Variants in IQSEC1 observed in about 807,000 individuals in gnomAD.
IQSEC1 encodes the protein IQ motif and Sec7 domain ArfGEF 1.
Under a neutral mutation model 91.0 loss-of-function variants are expected in IQSEC1, and 31 were observed. The observed-to-expected ratio is 0.34, with a 90% confidence interval of 0.26 to 0.46. The LOEUF (loss-of-function observed/expected upper bound fraction) is 0.46, where lower values mean the gene tolerates loss of function less well. Ranked by LOEUF, IQSEC1 falls within the 20% of genes least tolerant of loss-of-function variation. IQSEC1 has a pLI of 1.00. For missense variants in IQSEC1, 1,388 were observed against 1,575.6 expected (o/e 0.88, Z 2.02); for synonymous variants, 699 against 662.6 (o/e 1.05, Z -0.84).
rs577796815 is a variant in IQSEC1, at chr3:13,011,549, G to T, written c.23+61443C>A. Among the ~76,000 whole-genome samples the T allele has an allele frequency of 3.9e-5, 6 of 152,320 alleles. No individual in the cohort carries two copies. The South Asian group carries it at 1.2e-3, about 32-fold the overall frequency. ...GAGCTGACCCTATATTCTAGCCCTT[G>T]TTATCCTCCCTGGCCTTTCTCAACT... On this transcript the variant is annotated intron_variant, in intron 1 of 13. Transcript: ENST00000613206.
chr3:12,939,592 G>A (rs921181138), intron 2 of IQSEC1, among the ~76,000 whole-genome samples: 1 of 152,184 alleles, frequency 6.6e-6, no homozygotes, highest in Non-Finnish European at 1.5e-5. Flanking sequence ...GAGCTTTCCA[G>A]GAAGCTCAGT....
At chr3:13,221,285 C>G (rs1694654803) in intron 1 of IQSEC1, among the ~76,000 whole-genome samples, 1 of 152,176 alleles carries the variant, frequency 6.6e-6, no homozygotes, top group South Asian at 2.1e-4. Context: ...GCTCTGGGGG[C>G]AGCTGCCTGA....
At chr3:13,091,673 C>G (rs563674156) in intron 2 of IQSEC1, among the ~76,000 whole-genome samples, 1 of 152,342 alleles carries the variant, frequency 6.6e-6, no homozygotes, top group Admixed American at 6.5e-5. Flanking sequence ...GCCTTGCCCC[C>G]GCTGACCTGT....
intron 1 of IQSEC1, among the ~76,000 whole-genome samples, chr3:13,224,405 T>C (rs1000866665): frequency 6.6e-6 from 1 of 152,122 alleles, no homozygotes; most frequent in Admixed American, 6.5e-5. Context: ...CTCCTAGTTC[T>C]GGGCCCTGGG....
Position 12,899,366 on chromosome 3 carries a change from G to A in IQSEC1, c.*1617C>T, listed in dbSNP as rs969629320. On this transcript the variant is annotated 3_prime_UTR_variant, in exon 14 of 14. Coordinates refer to ENST00000613206, the MANE Select transcript of IQSEC1 (RefSeq NM_001134382.3). ...GGGCCTCCGCCTGGGCAGGCGCCGGGGGGCAGTCCTCGGGTCCCATGGCTT... is the reference window on the plus strand; with the variant it reads ...GGGCCTCCGCCTGGGCAGGCGCCGGAGGGCAGTCCTCGGGTCCCATGGCTT... The A allele has an allele frequency of 1.9e-6, 3 of 1,612,042 alleles. No individual in the cohort carries two copies. Among genetic ancestry groups the A allele is most frequent in the African/African-American group, 2.7e-5 (2 of 74,944 alleles).
At position 13,222,031 on chromosome 3, in the gene IQSEC1, T is replaced by A. The variant is rs372521082; in HGVS notation, c.273-57898A>T. ...CTTTCCTTTTCATTATGGTAAAGGA[T>A]ACATAACACACATTTACCACCTCAT... On this transcript the variant is annotated intron_variant, in intron 1 of 15. Coordinates refer to the IQSEC1 transcript ENST00000648114. Among the ~76,000 whole-genome samples, 37 of 152,288 alleles carry A rather than the reference T, an allele frequency of 2.4e-4. 1 individual carries two copies. In the East Asian group the frequency reaches 6.2e-3, roughly 25 times the overall value.
chr3:13,276,181 C>T (rs1005688670), intron 1 of IQSEC1, among the ~76,000 whole-genome samples: 1 of 146,868 alleles, frequency 6.8e-6, no homozygotes, highest in Admixed American at 7.1e-5. Flanking sequence ...CTCTGCCTCC[C>T]AGGTTCACAC....
intron 1 of IQSEC1, among the ~76,000 whole-genome samples, chr3:13,038,262 G>GTGTATATA (rs1491471643): frequency 5.6e-4 from 57 of 101,214 alleles, no homozygotes; most frequent in East Asian, 1.1e-3. Context: ...GTGTGTGTGT[G>GTGTATATA]TATATATATA....
chr3:13,270,279 A>G (rs940306531), intron 1 of IQSEC1, among the ~76,000 whole-genome samples: 2 of 152,272 alleles, frequency 1.3e-5, no homozygotes, highest in East Asian at 3.8e-4. Context: ...AATTTGTTAC[A>G]GGCCAACAAA....
At chr3:12,949,450 T>G (rs1320128633) in intron 1 of IQSEC1, among the ~76,000 whole-genome samples, 2 of 152,238 alleles carry the variant, frequency 1.3e-5, no homozygotes, top group Non-Finnish European at 2.9e-5. Context: ...CTCCTGGCAG[T>G]CTGCACAGGC....
At chr3:13,275,927 G>C (rs73016840) in intron 1 of IQSEC1, among the ~76,000 whole-genome samples, 20,000 of 152,240 alleles carry the variant, frequency 0.13, 1,377 homozygotes, top group East Asian at 0.17. Flanking sequence ...GAACTCCAAG[G>C]ACGGAGGGGC....
intron 2 of IQSEC1, among the ~76,000 whole-genome samples, chr3:13,117,992 G>A (rs1706363330): frequency 6.6e-6 from 1 of 152,196 alleles, no homozygotes; most frequent in Non-Finnish European, 1.5e-5. Flanking sequence ...TGCACTGCTG[G>A]TGGGAGTGTA....
intron 1 of IQSEC1, among the ~76,000 whole-genome samples, chr3:13,018,643 A>G (rs555582887): frequency 3.7e-4 from 57 of 152,082 alleles, no homozygotes; most frequent in Non-Finnish European, 7.5e-4. Flanking sequence ...GCCAGGGAAG[A>G]CGCAGGGAGG....
At chr3:13,228,669 C>T (rs1576302607) in intron 1 of IQSEC1, among the ~76,000 whole-genome samples, 4 of 152,350 alleles carry the variant, frequency 2.6e-5, no homozygotes, top group South Asian at 2.1e-4. Context: ...TCTGGCCCTG[C>T]TCACTTCCCC....
chr3:13,251,322 T>C (rs1695190702), intron 1 of IQSEC1, among the ~76,000 whole-genome samples: 1 of 152,206 alleles, frequency 6.6e-6, no homozygotes, highest in Non-Finnish European at 1.5e-5. Flanking sequence ...TTTACCACCA[T>C]TATTGTCTGG....
At chr3:13,180,797 C>T (rs1321973827) in intron 1 of IQSEC1, among the ~76,000 whole-genome samples, 1 of 151,564 alleles carries the variant, frequency 6.6e-6, no homozygotes, top group Non-Finnish European at 1.5e-5. Flanking sequence ...TCTGAAGCTT[C>T]ACTCCTGAGC....
intron 1 of IQSEC1, among the ~76,000 whole-genome samples, chr3:12,988,599 T>C (rs1701849282): frequency 6.6e-6 from 1 of 152,128 alleles, no homozygotes; most frequent in South Asian, 2.1e-4. Context: ...TAAAAAGCTG[T>C]TCCATAGGTG....
chr3:13,243,617 G>C (rs886679337), intron 1 of IQSEC1, among the ~76,000 whole-genome samples: 3 of 152,194 alleles, frequency 2.0e-5, no homozygotes, highest in Non-Finnish European at 4.4e-5. Flanking sequence ...TGGGCCAGGA[G>C]ACAGCCTCAT....
At chr3:13,268,200 G>A (rs750992722) in intron 1 of IQSEC1, among the ~76,000 whole-genome samples, 3 of 152,238 alleles carry the variant, frequency 2.0e-5, no homozygotes, top group South Asian at 2.1e-4. Flanking sequence ...CACCAGACAC[G>A]AAGCAGGATG....
Sources: allele counts gnomAD v4.1 joint callset (sites outside exome capture counted in the v4.1 genomes callset), GRCh38; gene constraint gnomAD v4.1.1; transcripts MANE v1.5; gene names NCBI Gene and HGNC (gene_info 2026-07-23, HGNC 2026-07-21).